The following EPB41L3 variants were observed in gnomAD, a reference collection of about 807,000 sequenced individuals.
EPB41L3 encodes the protein erythrocyte membrane protein band 4.1 like 3.
EPB41L3 carries 57 observed loss-of-function variants against 127.1 expected under a neutral mutation model. The ratio of observed to expected loss-of-function variants is 0.45; its 90% CI spans 0.36 to 0.56. The LOEUF (loss-of-function observed/expected upper bound fraction) is 0.56. Ranked by LOEUF, EPB41L3 falls within the 20% of genes least tolerant of loss-of-function variation. EPB41L3 has a pLI of 0.00. For missense variants in EPB41L3, 1,273 were observed against 1,372.2 expected (o/e 0.93, Z 1.14); for synonymous variants, 572 against 549.5 (o/e 1.04, Z -0.57).
At chr18:5,412,555 T>C (rs28439511) in intron 13 of EPB41L3, among the ~76,000 whole-genome samples, 8,163 of 152,272 alleles carry the variant, frequency 0.054, 348 homozygotes, top group African/African-American at 0.12. Context: ...GTGTTCTAAT[T>C]AGCTGTGTCA....
At chr18:5,629,042 C>G (rs1228992476), upstream of EPB41L3, 1 of 152,280 alleles carries the variant, frequency 6.6e-6, no homozygotes, top group Non-Finnish European at 1.5e-5. Context: ...GGTGACGTGA[C>G]GCTCTCTCTG....
At chr18:5,615,664 T>C (rs1295991951) in intron 1 of EPB41L3, among the ~76,000 whole-genome samples, 2 of 152,210 alleles carry the variant, frequency 1.3e-5, no homozygotes, top group African/African-American at 4.8e-5. Flanking sequence ...TATTGGCACA[T>C]AGTAGGCCCT....
intron 16 of EPB41L3, among the ~76,000 whole-genome samples, chr18:5,406,133 C>T (rs2075347998): frequency 1.3e-5 from 2 of 152,198 alleles, no homozygotes; most frequent in South Asian, 2.1e-4. Flanking sequence ...CATCTATAGT[C>T]CCAGCTACTT....
At position 5,394,662 on chromosome 18, in the gene EPB41L3, G is replaced by A. The variant is rs1380716189; in HGVS notation, c.*6+15C>T. The A allele has an allele frequency of 3.1e-6, 5 of 1,601,310 alleles. No individual in the cohort carries two copies. Among genetic ancestry groups the A allele is most frequent in the South Asian group, 1.1e-5 (1 of 90,778 alleles). ...CCAGCCTAGGCAAGCCTAGAGAATC[G>A]GCATCACCTCTTACCTCTGGTCAAT... On this transcript the variant is annotated intron_variant, in intron 22 of 22. Transcript: ENST00000341928.
Position 5,416,348 on chromosome 18 carries a change from A to T in EPB41L3, c.1537T>A (p.Leu513Met). The T allele has an allele frequency of 6.2e-7, 1 of 1,613,734 alleles. No individual in the cohort carries two copies. Among genetic ancestry groups the T allele is most frequent in the Non-Finnish European group, 8.5e-7 (1 of 1,179,946 alleles). Residue 513 changes from leucine to methionine, a missense_variant, in exon 13 of 23, where the codon TTG becomes ATG. Leu to Met is a conservative substitution (Grantham distance 15, BLOSUM62 2). This residue lies in a region of EPB41L3 where 765 missense variants were observed against 782.9 expected (regional missense o/e 0.98). Coordinates refer to ENST00000341928, the MANE Select transcript of EPB41L3 (RefSeq NM_012307.5). ...GCACAATGGGTGGATGGGGGTGACAAGGGACATGAGTCAGTGCCAAGCCCA... is the reference window on the plus strand; with the variant it reads ...GCACAATGGGTGGATGGGGGTGACATGGGACATGAGTCAGTGCCAAGCCCA... ...SPGLGTDSCPLSPPSTHCAPT... is the reference protein window; with the variant it reads ...SPGLGTDSCPMSPPSTHCAPT...
intron 3 of EPB41L3, among the ~76,000 whole-genome samples, chr18:5,599,609 C>G (rs1006388304): frequency 6.6e-6 from 1 of 152,126 alleles, no homozygotes; most frequent in African/African-American, 2.4e-5. Flanking sequence ...TGAGCTCTCA[C>G]AAGTGCTGGT....
chr18:5,475,655 G>A (rs1050644891), intron 3 of EPB41L3, among the ~76,000 whole-genome samples: 20 of 152,232 alleles, frequency 1.3e-4, no homozygotes, highest in Admixed American at 3.9e-4. Flanking sequence ...TGCCCCTCTC[G>A]CAAACACATT....
intron 3 of EPB41L3, among the ~76,000 whole-genome samples, chr18:5,586,359 C>A (rs1339603424): frequency 1.3e-5 from 2 of 150,818 alleles, no homozygotes; most frequent in East Asian, 3.9e-4. Flanking sequence ...TAAATGATTT[C>A]TTTTAAAGCA....
chr18:5,570,601 T>C (rs2094265414), intron 3 of EPB41L3, among the ~76,000 whole-genome samples: 1 of 152,144 alleles, frequency 6.6e-6, no homozygotes, highest in Non-Finnish European at 1.5e-5. Context: ...TTTTACTTTA[T>C]TTAATTTTAT....
intron 3 of EPB41L3, among the ~76,000 whole-genome samples, chr18:5,598,872 CA>C (rs2094561981): frequency 6.6e-6 from 1 of 152,154 alleles, no homozygotes; most frequent in Non-Finnish European, 1.5e-5. Flanking sequence ...CACTTGTGCT[CA>C]GTCTCTTCGG....
At chr18:5,514,928 A>G (rs961947565) in intron 1 of EPB41L3, among the ~76,000 whole-genome samples, 7 of 152,316 alleles carry the variant, frequency 4.6e-5, no homozygotes, top group African/African-American at 9.6e-5. Flanking sequence ...CTGAATAGTC[A>G]AATATTTTTA....
rs564120464 is a variant in EPB41L3 at position 5,565,336 on chromosome 18, C to T, written c.-306+47004G>A. Among the ~76,000 whole-genome samples, 268 of 152,134 alleles carry T rather than the reference C, an allele frequency of 1.8e-3. 1 individual carries two copies. Among genetic ancestry groups the T allele is most frequent in the Non-Finnish European group, 2.7e-3 (185 of 67,996 alleles). On this transcript the variant is annotated intron_variant, in intron 3 of 21. Coordinates refer to the EPB41L3 transcript ENST00000545076. ...CTGAGGCAGAAGAATCACTTGAACC[C>T]GGGAGGTGGAGGTTGTAGAGAGCCA... is the stretch of plus-strand genomic sequence containing the variant.
chr18:5,450,493 G>A (rs1019270492), intron 3 of EPB41L3, among the ~76,000 whole-genome samples: 16 of 150,192 alleles, frequency 1.1e-4, no homozygotes, highest in African/African-American at 3.9e-4. Flanking sequence ...GAGTGTGAGG[G>A]GGTATATAGG....
In EPB41L3 at chr18:5,530,530, G is replaced by T. The variant is rs992856312; in HGVS notation, c.-12+13383C>A. Among the ~76,000 whole-genome samples the T allele has an allele frequency of 2.6e-5, 4 of 152,032 alleles. No homozygotes were observed. The East Asian group carries it at 7.7e-4, about 29-fold the overall frequency. On this transcript the variant is annotated intron_variant, in intron 1 of 22. Transcript: ENST00000341928. ...CACAGGGCCCTGAACTCTGACCCCA[G>T]CTGCCCCTAAGACTCATCTCTCCCA... is the stretch of plus-strand genomic sequence containing the variant.
chr18:5,602,779 C>T (rs2094605297), intron 3 of EPB41L3, among the ~76,000 whole-genome samples: 1 of 152,022 alleles, frequency 6.6e-6, no homozygotes, highest in South Asian at 2.1e-4. Flanking sequence ...GGTGACAAGT[C>T]CAGAAGAAGA....
At chr18:5,457,158 T>C (rs931111308) in intron 3 of EPB41L3, among the ~76,000 whole-genome samples, 1 of 74,064 alleles carries the variant, frequency 1.4e-5, no homozygotes, top group African/African-American at 3.4e-5. Context: ...TCAAGATAGG[T>C]ACAGCCTTTT....
intron 1 of EPB41L3, among the ~76,000 whole-genome samples, chr18:5,620,305 A>T (rs79523759): frequency 0.054 from 8,231 of 152,268 alleles, 331 homozygotes; most frequent in South Asian, 0.2. Context: ...AAACACACTT[A>T]GTTATGTTCT....
At chr18:5,556,112 C>T (rs12955291) in intron 3 of EPB41L3, among the ~76,000 whole-genome samples, 82,408 of 152,064 alleles carry the variant, frequency 0.54, 24,659 homozygotes, top group Non-Finnish European at 0.66. Flanking sequence ...ATGTAAGAGA[C>T]GCTCAGTGAA....
At chr18:5,483,651 A>C (rs929278643) in intron 2 of EPB41L3, among the ~76,000 whole-genome samples, 2 of 152,154 alleles carry the variant, frequency 1.3e-5, no homozygotes, top group Non-Finnish European at 2.9e-5. Context: ...TACAACTAGA[A>C]GCCAAAAAAA....
Sources: gnomAD v4.1 joint callset for allele counts (sites outside exome capture counted in the v4.1 genomes callset) on GRCh38, gnomAD v4.1.1 for gene constraint, gnomAD v4.1.1 regional missense constraint, MANE v1.5 for transcripts, NCBI Gene and HGNC (gene_info 2026-07-23, HGNC 2026-07-21) for gene names.